Variants in STARD10 observed in about 807,000 individuals in gnomAD.
STARD10 encodes START domain-containing protein 10.
A neutral mutation model predicts 36.0 loss-of-function variants in STARD10; 24 were observed. The observed-to-expected ratio is 0.67, with a 90% CI of 0.48 to 0.94. The LOEUF (loss-of-function observed/expected upper bound fraction) is 0.94. STARD10 is among the 40% of genes least tolerant of loss of function. The pLI, the probability that STARD10 is intolerant of heterozygous loss-of-function variation, is 0.00. For synonymous variants in STARD10, 156 were observed against 161.9 expected, an observed-to-expected ratio of 0.96 and a Z score of 0.28; for missense variants, 335 against 396.6, an observed-to-expected ratio of 0.84 and a Z score of 1.32.
chr11:72,758,617 G>C lies in STARD10; in HGVS notation c.372C>G (p.Pro124=). 6.2e-7 allele frequency: 1 copy of C among 1,613,868 alleles called. No individual in the cohort carries two copies. Among genetic ancestry groups the C allele is most frequent in the Non-Finnish European group, 8.5e-7 (1 of 1,179,906 alleles). Residue 124 remains proline (P), a synonymous_variant, in exon 4 of 7, where the codon CCC becomes CCG. Coordinates refer to ENST00000334805, the MANE Select transcript of STARD10 (RefSeq NM_006645.3). The part of the protein sequence containing the change: ...VGYYSWRCPK[P]LKNRDVITLR... ...GGGTGATGACATCACGGTTCTTCAG[G>C]GGCTTGGGACACCTCCCTGTGGGGG... is the stretch of plus-strand genomic sequence containing the variant.
chr11:72,776,378 A>G lies in STARD10; in HGVS notation c.207+4597T>C, dbSNP rs114369709. On this transcript the variant is annotated intron_variant, in intron 2 of 6. Transcript: ENST00000334805. Reference sequence around the variant, plus strand: ...CAAGGCCCTAAAACTAGATGAAGTCATGCGCCTGCCACCGCCGATAAGAAG... The same window carrying G: ...CAAGGCCCTAAAACTAGATGAAGTCGTGCGCCTGCCACCGCCGATAAGAAG... Among the ~76,000 whole-genome samples, 453 of 152,334 alleles carry G rather than the reference A, an allele frequency of 3.0e-3. 1 individual carries two copies. Among genetic ancestry groups the G allele is most frequent in the African/African-American group, 0.01 (430 of 41,574 alleles).
intron 2 of STARD10, among the ~76,000 whole-genome samples, chr11:72,759,732 G>A (rs1372581963): frequency 6.6e-6 from 1 of 152,148 alleles, no homozygotes; most frequent in Non-Finnish European, 1.5e-5. Flanking sequence ...AGAGGCTCAT[G>A]GTTGCTTCAG....
At chr11:72,767,365 C>CAAAGGATG (rs1858806972) in intron 2 of STARD10, among the ~76,000 whole-genome samples, 2 of 152,150 alleles carry the variant, frequency 1.3e-5, no homozygotes, top group Non-Finnish European at 2.9e-5. Flanking sequence ...TGCCTCTGAC[C>CAAAGGATG]CTTCCAACAC....
At chr11:72,764,971 T>A (rs1858768723) in intron 2 of STARD10, among the ~76,000 whole-genome samples, 1 of 152,106 alleles carries the variant, frequency 6.6e-6, no homozygotes, top group Non-Finnish European at 1.5e-5. Flanking sequence ...GGTATTACAT[T>A]TGAGAAAACA....
At chr11:72,762,966 G>C (rs1858740413) in intron 2 of STARD10, among the ~76,000 whole-genome samples, 1 of 152,204 alleles carries the variant, frequency 6.6e-6, no homozygotes, top group South Asian at 2.1e-4. Flanking sequence ...GATGAGCATG[G>C]AACATCTTCT....
intron 1 of STARD10, among the ~76,000 whole-genome samples, chr11:72,784,784 G>A (rs1859050922): frequency 6.6e-6 from 1 of 152,228 alleles, no homozygotes; most frequent in Non-Finnish European, 1.5e-5. Flanking sequence ...GGGGCATCAC[G>A]GAGCAGGAGC....
intron 2 of STARD10, among the ~76,000 whole-genome samples, chr11:72,760,125 T>A (rs1377062602): frequency 1.3e-5 from 2 of 152,058 alleles, no homozygotes; most frequent in Non-Finnish European, 2.9e-5. Context: ...ATGGTCTCAA[T>A]CTCTTGACCT....
intron 1 of STARD10, among the ~76,000 whole-genome samples, chr11:72,789,688 C>A (rs910361004): frequency 5.3e-5 from 8 of 152,160 alleles, no homozygotes; most frequent in Admixed American, 3.3e-4. Context: ...GGGTGGAATT[C>A]TCTAGGGGCT....
chr11:72,758,707 G>A, intron 3 of STARD10, 74 bp from the exon 4 acceptor site: 1 of 1,058,020 alleles, frequency 9.5e-7, no homozygotes, highest in Non-Finnish European at 1.4e-6. Flanking sequence ...GCAGAGGCCA[G>A]AGATGCAGGG....
chr11:72,785,336 G>A (rs185258287), intron 1 of STARD10, among the ~76,000 whole-genome samples: 18 of 151,786 alleles, frequency 1.2e-4, no homozygotes, highest in Admixed American at 3.3e-4. Context: ...AGGCCGATAC[G>A]GGTGGATCAC....
At chr11:72,762,173 G>A (rs906968683) in intron 2 of STARD10, among the ~76,000 whole-genome samples, 7 of 151,726 alleles carry the variant, frequency 4.6e-5, no homozygotes, top group African/African-American at 1.2e-4. Flanking sequence ...TGATCCTCCC[G>A]CCTCGGCCTC....
Position 72,755,053 on chromosome 11 carries a change from C to G in STARD10, c.720G>C (p.Glu240Asp). ...LPHFKPWLHP[E>D]QSPLPSLALS... The stretch of plus-strand genomic sequence containing the variant: ...GCGCCAGGCTCGGCAACGGGCTCTG[C>G]TCCGGGTGCAGCCACGGCTTGAAGT... Residue 240 changes from glutamate to aspartate, a missense_variant, in exon 7 of 7, where the codon GAG becomes GAC. By Grantham distance (45) the Glu-to-Asp change is conservative. Coordinates refer to ENST00000334805, the MANE Select transcript of STARD10 (RefSeq NM_006645.3). 1 of 1,613,194 alleles carries G rather than the reference C, an allele frequency of 6.2e-7. No individual in the cohort carries two copies. Among genetic ancestry groups the G allele is most frequent in the Non-Finnish European group, 8.5e-7 (1 of 1,179,702 alleles).
intron 3 of STARD10, 111 bp downstream of exon 3, chr11:72,759,123 G>A (rs370522460): frequency 3.9e-5 from 53 of 1,355,548 alleles, no homozygotes; most frequent in African/African-American, 3.9e-4. Flanking sequence ...TCAAGTCTCC[G>A]AGCAGCTTGG....
intron 1 of STARD10, among the ~76,000 whole-genome samples, chr11:72,784,578 G>A (rs1475375262): frequency 6.6e-6 from 1 of 152,204 alleles, no homozygotes; most frequent in Non-Finnish European, 1.5e-5. Flanking sequence ...ATCTTTACAT[G>A]ATGGTTTGGC....
chr11:72,781,256 TCGA>T lies in STARD10; in HGVS notation c.-78_-76del, dbSNP rs1858993093. ...GTCCTCCGCGGAGGCTCCGACAACG[TCGA>T]CGCGGCTGCAGATGCTGACGCCACC... On this transcript the variant is annotated 5_prime_UTR_variant, in exon 2 of 7. Transcript: ENST00000334805. This position sits in a 1 kb window ranked among gnomAD's most constrained non-coding sequence, Gnocchi z 4.7. The T allele has an allele frequency of 7.5e-7, 1 of 1,338,098 alleles. No individual in the cohort carries two copies. The highest frequency in any genetic ancestry group is 1.2e-5 in the South Asian group (1 of 80,256). The allele number at this position is 1,338,098 out of a possible 1,614,324, so 82.9% of individuals were successfully genotyped here.
At chr11:72,788,349 TGTGA>T (rs1236604468) in intron 1 of STARD10, among the ~76,000 whole-genome samples, 1 of 152,116 alleles carries the variant, frequency 6.6e-6, no homozygotes, top group African/African-American at 2.4e-5. Context: ...CAGAGCCGTG[TGTGA>T]GTGACAACCT....
At chr11:72,769,099 G>C (rs1321823447) in intron 2 of STARD10, among the ~76,000 whole-genome samples, 1 of 152,186 alleles carries the variant, frequency 6.6e-6, no homozygotes. Flanking sequence ...AAAGGGCTGG[G>C]GGGTGGAGGC....
chr11:72,766,611 C>G (rs2135615550), intron 2 of STARD10, among the ~76,000 whole-genome samples: 1 of 152,222 alleles, frequency 6.6e-6, no homozygotes, highest in East Asian at 1.9e-4. Context: ...ACTCTACCCC[C>G]CACCTCTCTC....
intron 2 of STARD10, among the ~76,000 whole-genome samples, chr11:72,773,269 C>T (rs1858887233): frequency 6.6e-6 from 1 of 152,218 alleles, no homozygotes; most frequent in African/African-American, 2.4e-5. Context: ...GACCCAGAGA[C>T]AGGCTTGAGG....
Sources: allele counts gnomAD v4.1 joint callset (sites outside exome capture counted in the v4.1 genomes callset), GRCh38; gene constraint gnomAD v4.1.1; non-coding constraint Gnocchi (gnomAD v3.1); transcripts MANE v1.5; gene names NCBI Gene and HGNC (gene_info 2026-07-23, HGNC 2026-07-21).